The following STX7 variants were observed in gnomAD, a reference collection of about 807,000 sequenced individuals.
STX7 encodes syntaxin-7.
In STX7, 34 loss-of-function variants were observed where a neutral mutation model predicts 39.6. That is an observed-to-expected ratio of 0.86 (90% confidence interval 0.65 to 1.14). The LOEUF (loss-of-function observed/expected upper bound fraction) is 1.14, where lower values mean the gene tolerates loss of function less well. Among genes scored for constraint, STX7 ranks in the 50% most tolerant of loss-of-function variants. STX7 has a pLI of 0.00. For missense variants in STX7, 284 were observed against 310.4 expected, an observed-to-expected ratio of 0.92 and a Z score of 0.64; for synonymous variants, 119 against 99.1, an observed-to-expected ratio of 1.20 and a Z score of -1.19.
intron 2 of STX7, among the ~76,000 whole-genome samples, chr6:132,494,146 CTT>C (rs972841157): frequency 6.6e-5 from 10 of 152,010 alleles, no homozygotes; most frequent in African/African-American, 2.2e-4. Flanking sequence ...AACATATACA[CTT>C]AGGATAAAAT....
rs1774212659 is a variant in STX7 at position 132,454,914 on chromosome 6, T to C, written c.*5844A>G. 1 of 152,218 alleles carries C rather than the reference T, an allele frequency of 6.6e-6. No homozygotes were observed. Among genetic ancestry groups the C allele is most frequent in the African/African-American group, 2.4e-5 (1 of 41,460 alleles). 9.4% of individuals were successfully genotyped at this position (152,218 alleles called of 1,614,324 possible). A position where few individuals can be genotyped will look rare whatever the true frequency, so the allele number is the denominator to read the frequency against. Reference sequence around the variant, plus strand: ...AAATAGTACTTAAATGTTAAAACTATGATAACCTTTATGAGGCTGAACATT... The same window carrying C: ...AAATAGTACTTAAATGTTAAAACTACGATAACCTTTATGAGGCTGAACATT... On this transcript the variant is annotated 3_prime_UTR_variant, in exon 10 of 10. Transcript: ENST00000367941.
rs1445108465 is a variant in STX7, at chr6:132,457,831, A to T, written c.*2927T>A. The T allele has an allele frequency of 6.6e-6, 1 of 152,260 alleles. No homozygotes were observed. The allele number at this position is 152,260 out of a possible 1,614,324, so 9.4% of individuals were successfully genotyped here. On this transcript the variant is annotated 3_prime_UTR_variant, in exon 10 of 10. Transcript: ENST00000367941. ...TGCAGCAAACCAGCCATGTGAAAGA[A>T]ATAAATTCAATTTTGACTTTCAAAA...
chr6:132,509,776 T>C (rs559834029), intron 1 of STX7, among the ~76,000 whole-genome samples: 153 of 152,248 alleles, frequency 1.0e-3, no homozygotes, highest in African/African-American at 3.6e-3. Context: ...AAAAAATATA[T>C]ATACAAGCAT....
rs1009502844 is a variant in STX7 at position 132,450,213 on chromosome 6, A to G, written c.*10545T>C. The G allele has an allele frequency of 6.6e-6, 1 of 152,172 alleles. No individual in the cohort carries two copies. Among genetic ancestry groups the G allele is most frequent in the African/African-American group, 2.4e-5 (1 of 41,434 alleles). 9.4% of individuals were successfully genotyped at this position (152,172 alleles called of 1,614,324 possible). A position where few individuals can be genotyped will look rare whatever the true frequency, so the allele number is the denominator to read the frequency against. On this transcript the variant is annotated 3_prime_UTR_variant, in exon 10 of 10. Transcript: ENST00000367941. ...TGTGTTGTATTTTATCCAAGAACTA[A>G]CTGTATTTTAGCAGGAGGATCCTTG...
At position 132,503,565 on chromosome 6, in the gene STX7, C is replaced by T. The variant is rs905014579; in HGVS notation, c.-35G>A. ...TCTTATTCGCTAATTTCATCAGATG[C>T]TGTGCAGTTTTCTAAGCAGTCACCT... is the stretch of plus-strand genomic sequence containing the variant. On this transcript the variant is annotated 5_prime_UTR_variant, in exon 2 of 10. Transcript: ENST00000367941. The T allele has an allele frequency of 1.1e-5, 17 of 1,555,914 alleles. No individual in the cohort carries two copies. Among genetic ancestry groups the T allele is most frequent in the African/African-American group, 6.8e-5 (5 of 73,666 alleles).
intron 2 of STX7, among the ~76,000 whole-genome samples, chr6:132,490,009 G>C (rs1775237382): frequency 6.6e-6 from 1 of 152,196 alleles, no homozygotes; most frequent in Admixed American, 6.5e-5. Flanking sequence ...TACAAGCTGG[G>C]TCTTTTAGCA....
At chr6:132,483,551 T>G (rs1259266793) in intron 2 of STX7, among the ~76,000 whole-genome samples, 1 of 152,224 alleles carries the variant, frequency 6.6e-6, no homozygotes, top group African/African-American at 2.4e-5. Context: ...CTTGAGTACC[T>G]CATTTTCATC....
intron 3 of STX7, 70 bp downstream of exon 3, chr6:132,475,523 C>T: frequency 1.8e-6 from 2 of 1,086,600 alleles, no homozygotes; most frequent in Non-Finnish European, 2.6e-6. Context: ...ATACTACATA[C>T]TGTAAAAGCA....
At chr6:132,479,120 T>C (rs1582660509) in intron 2 of STX7, among the ~76,000 whole-genome samples, 1 of 152,244 alleles carries the variant, frequency 6.6e-6, no homozygotes, top group Admixed American at 6.5e-5. Flanking sequence ...AATTAATCTG[T>C]AGATAACTGG....
At chr6:132,467,283 C>G (rs1774587002) in intron 8 of STX7, among the ~76,000 whole-genome samples, 1 of 152,134 alleles carries the variant, frequency 6.6e-6, no homozygotes, top group Admixed American at 6.6e-5. Context: ...ACTCGCTGTT[C>G]TCTCTGCCTG....
intron 2 of STX7, among the ~76,000 whole-genome samples, chr6:132,493,600 C>T (rs1775348710): frequency 1.3e-5 from 2 of 152,178 alleles, no homozygotes; most frequent in Admixed American, 1.3e-4. Context: ...GTGAGGCCTC[C>T]CCAGCCATGT....
At chr6:132,477,183 G>C (rs1774895489) in intron 2 of STX7, among the ~76,000 whole-genome samples, 1 of 152,002 alleles carries the variant, frequency 6.6e-6, no homozygotes, top group African/African-American at 2.4e-5. Flanking sequence ...CTTTTTGGGG[G>C]TTGATTTTTC....
At chr6:132,467,772 C>T (rs1774598245) in intron 8 of STX7, among the ~76,000 whole-genome samples, 2 of 152,142 alleles carry the variant, frequency 1.3e-5, no homozygotes, top group South Asian at 4.1e-4. Flanking sequence ...TTTAGACATA[C>T]CAATACATAG....
chr6:132,504,836 A>C (rs779880527), intron 1 of STX7, among the ~76,000 whole-genome samples: 1 of 152,250 alleles, frequency 6.6e-6, no homozygotes, highest in Non-Finnish European at 1.5e-5. Flanking sequence ...TATGAAATAG[A>C]AACATAGGAT....
At position 132,470,743 on chromosome 6, in the gene STX7, G is replaced by GTGTA. The variant is rs1037607510; in HGVS notation, c.388-121_388-118dup. ...TAAACTGATTTATGTACGTGTCTGT[G>GTGTA]TGTATGTGTGTGTGTGTGTAGAGAC... On this transcript the variant is annotated intron_variant, in intron 5 of 9. Coordinates refer to ENST00000367941, the MANE Select transcript of STX7 (RefSeq NM_003569.3). The GTGTA allele has an allele frequency of 6.5e-5, 40 of 613,472 alleles. No individual in the cohort carries two copies. In the East Asian group the frequency reaches 8.5e-4, roughly 13 times the overall value. 38.0% of individuals were successfully genotyped at this position (613,472 alleles called of 1,614,324 possible).
rs1774063274 is a variant in STX7, at chr6:132,448,392, T to C, written c.*12366A>G. On this transcript the variant is annotated 3_prime_UTR_variant, in exon 10 of 10. Coordinates refer to ENST00000367941, the MANE Select transcript of STX7 (RefSeq NM_003569.3). ...TATTCTTAAGTGAAAGTCCCTTGTTTGTAAATTCTCATTTTGAGAAAAAAG... is the reference window on the plus strand; with the variant it reads ...TATTCTTAAGTGAAAGTCCCTTGTTCGTAAATTCTCATTTTGAGAAAAAAG... 6.6e-6 allele frequency: 1 copy of C among 152,234 alleles called. No individual in the cohort carries two copies. Among genetic ancestry groups the C allele is most frequent in the South Asian group, 2.1e-4 (1 of 4,838 alleles). 9.4% of individuals were successfully genotyped at this position (152,234 alleles called of 1,614,324 possible).
intron 2 of STX7, among the ~76,000 whole-genome samples, chr6:132,482,950 C>T (rs1040220181): frequency 6.6e-6 from 1 of 150,784 alleles, no homozygotes; most frequent in South Asian, 2.1e-4. Flanking sequence ...AGAACTGTTG[C>T]TACAGTTTTA....
intron 3 of STX7, among the ~76,000 whole-genome samples, chr6:132,474,497 A>G (rs890892401): frequency 6.6e-6 from 1 of 152,140 alleles, no homozygotes; most frequent in Admixed American, 6.5e-5. Context: ...CCTATTACCT[A>G]TCTTTTAATA....
At chr6:132,481,377 CTT>C (rs1032785362) in intron 2 of STX7, among the ~76,000 whole-genome samples, 13 of 151,974 alleles carry the variant, frequency 8.6e-5, no homozygotes, top group Admixed American at 3.3e-4. Context: ...TTTTAAGATT[CTT>C]TGAACATTGC....
Sources: allele counts gnomAD v4.1 joint callset (sites outside exome capture counted in the v4.1 genomes callset), GRCh38; gene constraint gnomAD v4.1.1; transcripts MANE v1.5; gene names NCBI Gene and HGNC (gene_info 2026-07-23, HGNC 2026-07-21).